Variants in TRPC5 observed in about 807,000 individuals in gnomAD.
The protein encoded by TRPC5 is transient receptor potential cation channel subfamily C member 5.
TRPC5 carries 9 observed loss-of-function variants against 56.5 expected under a neutral mutation model. That is an observed-to-expected ratio of 0.16 (90% confidence interval 0.10 to 0.28). TRPC5 has a LOEUF of 0.28. TRPC5 is among the 10% of genes least tolerant of loss of function. The pLI is 1.00. For missense variants in TRPC5, 469 were observed against 748.9 expected (o/e 0.63, Z 4.36); for synonymous variants, 282 against 278.5 (o/e 1.01, Z -0.13).
chrX:112,004,693 A>T (rs1928787816), intron 1 of TRPC5, among the ~76,000 whole-genome samples: 1 of 111,472 alleles, frequency 9.0e-6, no homozygotes, highest in South Asian at 3.8e-4. Flanking sequence ...TTTGAAAACC[A>T]CTGCTTTTGG....
intron 3 of TRPC5, among the ~76,000 whole-genome samples, chrX:111,861,347 TAC>T (rs1923399349): frequency 8.9e-6 from 1 of 112,391 alleles, no homozygotes; most frequent in South Asian, 3.6e-4. Context: ...TTAATGTGTT[TAC>T]ACAGAGTTTT....
chrX:111,785,857 G>C (rs904654018), intron 7 of TRPC5, among the ~76,000 whole-genome samples: 3 of 111,380 alleles, frequency 2.7e-5, no homozygotes, highest in Non-Finnish European at 5.7e-5. Flanking sequence ...AGAAGACAAG[G>C]TTAGAGAAAA....
chrX:111,940,905 C>A (rs1391297456), intron 2 of TRPC5, among the ~76,000 whole-genome samples: 1 of 111,224 alleles, frequency 9.0e-6, no homozygotes, highest in Non-Finnish European at 1.9e-5. Flanking sequence ...CAACTATGGA[C>A]TGGTCCTGGT....
At chrX:111,841,117 G>A (rs1204512423) in intron 6 of TRPC5, among the ~76,000 whole-genome samples, 2 of 112,081 alleles carry the variant, frequency 1.8e-5, no homozygotes, top group African/African-American at 3.2e-5. Flanking sequence ...TGGGAACTAC[G>A]TGTGTATCCA....
chrX:111,913,372 C>T (rs1341765841), intron 2 of TRPC5, among the ~76,000 whole-genome samples: 1 of 111,291 alleles, frequency 9.0e-6, no homozygotes, highest in African/African-American at 3.3e-5. Flanking sequence ...ATATATATAA[C>T]TTCAGGGGAC....
At chrX:112,011,468 A>G (rs1928990232) in intron 1 of TRPC5, among the ~76,000 whole-genome samples, 1 of 111,691 alleles carries the variant, frequency 9.0e-6, no homozygotes, top group South Asian at 3.8e-4. Context: ...GCCCTATGAA[A>G]CAGCCTGTTC....
At chrX:111,921,866 T>C (rs1487334369) in intron 2 of TRPC5, among the ~76,000 whole-genome samples, 2 of 111,886 alleles carry the variant, frequency 1.8e-5, no homozygotes, top group East Asian at 5.6e-4. Context: ...AAGGATTCCT[T>C]GTAGAAAAGC....
chrX:111,949,422 A>C (rs1022706995), intron 2 of TRPC5, among the ~76,000 whole-genome samples: 2 of 112,096 alleles, frequency 1.8e-5, no homozygotes, highest in African/African-American at 3.2e-5. Flanking sequence ...TGGGAAAAAA[A>C]TCTTCACAAT....
At chrX:111,798,073 C>T (rs991730037) in intron 7 of TRPC5, among the ~76,000 whole-genome samples, 1 of 111,361 alleles carries the variant, frequency 9.0e-6, no homozygotes, top group African/African-American at 3.3e-5. Flanking sequence ...ATCCTGAATG[C>T]ATAAAATATG....
intron 1 of TRPC5, among the ~76,000 whole-genome samples, chrX:112,065,077 C>CAA (rs61593071): frequency 1.3e-3 from 61 of 46,259 alleles, no homozygotes; most frequent in African/African-American, 3.4e-3. Flanking sequence ...GACTACGTCT[C>CAA]AAAAAAAAAA....
rs1945862708 is a variant in TRPC5, at chrX:111,774,424, C to T, written c.*1889G>A. On this transcript the variant is annotated 3_prime_UTR_variant, in exon 11 of 11. Coordinates refer to ENST00000262839, the MANE Select transcript of TRPC5 (RefSeq NM_012471.3). The stretch of plus-strand genomic sequence containing the variant: ...CTTTAGAAACCTTTCTGGAAAGTAA[C>T]CTGTGATTAAATGTCAAGGCCATTT... 1 of 111,640 alleles carries T rather than the reference C, an allele frequency of 9.0e-6. No individual in the cohort carries two copies. Among genetic ancestry groups the T allele is most frequent in the Non-Finnish European group, 1.9e-5 (1 of 53,105 alleles). The allele number at this position is 111,640 out of a possible 1,213,427, so 9.2% of individuals were successfully genotyped here.
At chrX:111,800,591 C>T (rs1232668220) in intron 7 of TRPC5, among the ~76,000 whole-genome samples, 2 of 110,010 alleles carry the variant, frequency 1.8e-5, no homozygotes, top group East Asian at 2.9e-4. Flanking sequence ...ATGGTGAAAC[C>T]CCCTCTCTAC....
At chrX:111,876,496 A>G (rs956426812) in intron 3 of TRPC5, among the ~76,000 whole-genome samples, 2 of 111,982 alleles carry the variant, frequency 1.8e-5, no homozygotes, top group South Asian at 7.7e-4. Context: ...AACATCGTTT[A>G]TGTAAATTCT....
intron 6 of TRPC5, among the ~76,000 whole-genome samples, chrX:111,845,035 C>T (rs975440367): frequency 1.8e-5 from 2 of 109,265 alleles, no homozygotes; most frequent in Non-Finnish European, 3.8e-5. Flanking sequence ...GTCAGGAGTT[C>T]GAGACCAGCC....
chrX:111,841,687 A>G (rs1390083929), intron 6 of TRPC5, among the ~76,000 whole-genome samples: 1 of 111,373 alleles, frequency 9.0e-6, no homozygotes, highest in Non-Finnish European at 1.9e-5. Context: ...CATAGTTGCA[A>G]TCATAGTTTA....
intron 7 of TRPC5, among the ~76,000 whole-genome samples, chrX:111,795,999 T>C (rs1921076970): frequency 9.0e-6 from 1 of 110,849 alleles, no homozygotes; most frequent in African/African-American, 3.3e-5. Flanking sequence ...CTGTTCAATT[T>C]TCTTCACCCT....
At chrX:111,912,154 A>G (rs1223654544) in intron 3 of TRPC5, 137 bp downstream of exon 3, 1 of 666,691 alleles carries the variant, frequency 1.5e-6, no homozygotes, top group Non-Finnish European at 2.2e-6. Flanking sequence ...CCTCGGATAA[A>G]TGGGCCTAGC....
chrX:111,950,823 A>T (rs1028882687), intron 2 of TRPC5, among the ~76,000 whole-genome samples: 1 of 112,170 alleles, frequency 8.9e-6, no homozygotes, highest in Non-Finnish European at 1.9e-5. Flanking sequence ...TTTATGTCTC[A>T]AACATCTGAC....
At chrX:111,787,582 C>CAA (rs371397409) in intron 7 of TRPC5, among the ~76,000 whole-genome samples, 1 of 64,612 alleles carries the variant, frequency 1.5e-5, no homozygotes, top group Non-Finnish European at 3.5e-5. Flanking sequence ...GTGATAGAGA[C>CAA]AAAAAAAAAA....
Sources: gnomAD v4.1 joint callset for allele counts (sites outside exome capture counted in the v4.1 genomes callset) on GRCh38, gnomAD v4.1.1 for gene constraint, MANE v1.5 for transcripts, NCBI Gene and HGNC (gene_info 2026-07-23, HGNC 2026-07-21) for gene names.